Variants in BACH2 observed in about 807,000 individuals in gnomAD.
The protein encoded by BACH2 is BACH transcriptional regulator 2, also known as transcription regulator protein BACH2.
BACH2 carries 5 observed loss-of-function variants against 61.8 expected under a neutral mutation model. That is an observed-to-expected ratio of 0.08 (90% CI 0.04 to 0.17). BACH2 has a LOEUF of 0.17. Ranked by LOEUF, BACH2 falls within the 10% of genes least tolerant of loss-of-function variation. BACH2 has a pLI of 1.00. For synonymous variants in BACH2, 446 were observed against 440.1 expected, an observed-to-expected ratio of 1.01 and a Z score of -0.17; for missense variants, 824 against 1,091.1, an observed-to-expected ratio of 0.76 and a Z score of 3.45.
intron 4 of BACH2, among the ~76,000 whole-genome samples, chr6:90,197,648 A>G (rs2127846673): frequency 6.6e-6 from 1 of 152,262 alleles, no homozygotes; most frequent in South Asian, 2.1e-4. Context: ...TGAGTATCCA[A>G]AGGGCCTCTT....
chr6:89,933,362 T>A (rs1039931470), intron 8 of BACH2, among the ~76,000 whole-genome samples: 16 of 152,092 alleles, frequency 1.1e-4, no homozygotes, highest in Admixed American at 4.6e-4. Context: ...AGTAAAAAGA[T>A]CTGTGGTTGT....
chr6:90,066,657 T>G (rs1780981157), intron 5 of BACH2, among the ~76,000 whole-genome samples: 1 of 152,214 alleles, frequency 6.6e-6, no homozygotes, highest in South Asian at 2.1e-4. Context: ...CAGGCATTCC[T>G]TCATGCCACC....
intron 4 of BACH2, among the ~76,000 whole-genome samples, chr6:90,187,834 G>C (rs1437418793): frequency 6.6e-6 from 1 of 152,200 alleles, no homozygotes; most frequent in African/African-American, 2.4e-5. Flanking sequence ...CCGATCTTTG[G>C]TGTGAGTACT....
chr6:90,166,644 T>C (rs552988200), intron 4 of BACH2, among the ~76,000 whole-genome samples: 28 of 152,312 alleles, frequency 1.8e-4, no homozygotes, highest in African/African-American at 6.3e-4. Context: ...AGCAAAGATT[T>C]GGAACCAACC....
intron 8 of BACH2, among the ~76,000 whole-genome samples, chr6:89,937,912 T>C (rs184988886): frequency 3.3e-5 from 5 of 152,328 alleles, no homozygotes; most frequent in African/African-American, 9.6e-5. Context: ...ATATAAAATA[T>C]TGACACACTA....
intron 4 of BACH2, among the ~76,000 whole-genome samples, chr6:90,177,564 G>A (rs1005720541): frequency 2.0e-5 from 3 of 152,176 alleles, no homozygotes; most frequent in African/African-American, 4.8e-5. Flanking sequence ...CATTGCCTAC[G>A]TTAGCTCCTT....
At chr6:90,180,769 C>T (rs1337361275) in intron 4 of BACH2, among the ~76,000 whole-genome samples, 1 of 151,872 alleles carries the variant, frequency 6.6e-6, no homozygotes, top group East Asian at 1.9e-4. Context: ...GTGTGGAATA[C>T]ACACCAGTCC....
In BACH2 at chr6:90,238,664, A is replaced by G. The variant is rs11757109; in HGVS notation, c.-275+13849T>C. Reference sequence around the variant, plus strand: ...GGAAACCAGCTTGGTCTTGCTTGAGAGAAACTCCTGATGGCTTTCCAACCA... The same window carrying G: ...GGAAACCAGCTTGGTCTTGCTTGAGGGAAACTCCTGATGGCTTTCCAACCA... On this transcript the variant is annotated intron_variant, in intron 3 of 8. Coordinates refer to ENST00000257749, the MANE Select transcript of BACH2 (RefSeq NM_021813.4). Among the ~76,000 whole-genome samples the G allele has an allele frequency of 4.5e-3, 688 of 152,338 alleles. 6 individuals are homozygous for G. The highest frequency in any genetic ancestry group is 7.5e-3 in the Non-Finnish European group (512 of 68,034).
At chr6:90,246,072 T>C (rs1770625911) in intron 3 of BACH2, among the ~76,000 whole-genome samples, 1 of 152,190 alleles carries the variant, frequency 6.6e-6, no homozygotes. Context: ...GAGTGACTAC[T>C]GCTGGAACAC....
intron 5 of BACH2, among the ~76,000 whole-genome samples, chr6:90,042,751 T>C (rs1342486956): frequency 6.6e-6 from 1 of 152,366 alleles, no homozygotes; most frequent in Non-Finnish European, 1.5e-5. Flanking sequence ...TACATACCTA[T>C]AATCTTTAAT....
chr6:90,228,834 C>T (rs1448061927), intron 3 of BACH2, among the ~76,000 whole-genome samples: 1 of 152,162 alleles, frequency 6.6e-6, no homozygotes, highest in Non-Finnish European at 1.5e-5. Flanking sequence ...ACAAAGGGAT[C>T]TTACAGACAT....
chr6:90,092,315 T>TATATACAC (rs142761642), intron 4 of BACH2, among the ~76,000 whole-genome samples: 65 of 112,426 alleles, frequency 5.8e-4, no homozygotes, highest in East Asian at 1.4e-3. Flanking sequence ...TATATATATA[T>TATATACAC]ACACACACAC....
At chr6:90,210,221 G>A (rs1365529535) in intron 3 of BACH2, among the ~76,000 whole-genome samples, 2 of 151,586 alleles carry the variant, frequency 1.3e-5, no homozygotes, top group African/African-American at 2.4e-5. Context: ...AATAGACCCT[G>A]GACTAGAAGT....
intron 6 of BACH2, among the ~76,000 whole-genome samples, chr6:89,987,428 G>A (rs1484646307): frequency 1.3e-5 from 2 of 152,120 alleles, no homozygotes; most frequent in Admixed American, 6.5e-5. Flanking sequence ...TGATCACTGA[G>A]TCCATGCCCC....
At chr6:89,933,934 G>A (rs955094363) in intron 8 of BACH2, among the ~76,000 whole-genome samples, 4 of 151,896 alleles carry the variant, frequency 2.6e-5, no homozygotes, top group East Asian at 1.9e-4. Context: ...TGCAGTGAGC[G>A]AGATGGTGCC....
intron 6 of BACH2, among the ~76,000 whole-genome samples, chr6:89,980,026 C>T (rs1194167537): frequency 6.6e-6 from 1 of 152,134 alleles, no homozygotes; most frequent in East Asian, 1.9e-4. Flanking sequence ...GGCGTGGTGG[C>T]TCACACCTTT....
intron 3 of BACH2, among the ~76,000 whole-genome samples, chr6:90,208,367 AC>A (rs1227642302): frequency 4.6e-5 from 7 of 152,204 alleles, no homozygotes; most frequent in Non-Finnish European, 8.8e-5. Flanking sequence ...AAGAAAAAAA[AC>A]AACCCCATCA....
chr6:90,038,701 T>A (rs1779381996), intron 5 of BACH2, among the ~76,000 whole-genome samples: 1 of 152,122 alleles, frequency 6.6e-6, no homozygotes. Context: ...TAAGCAAAGA[T>A]ATATATATTT....
At position 89,932,262 on chromosome 6, in the gene BACH2, T is replaced by G. The variant is rs1286624865; in HGVS notation, c.*146A>C. 3 of 1,072,856 alleles carry G rather than the reference T, an allele frequency of 2.8e-6. No homozygotes were observed. In the Admixed American group the frequency reaches 6.6e-5, roughly 24 times the overall value. 66.5% of individuals were successfully genotyped at this position (1,072,856 alleles called of 1,614,324 possible). ...CTGCTCGAGAAGAGGAGAGGATACT[T>G]CGGAACAGTATTGCTGCTAAGACCG... On this transcript the variant is annotated 3_prime_UTR_variant, in exon 9 of 9. Coordinates refer to ENST00000257749, the MANE Select transcript of BACH2 (RefSeq NM_021813.4).
Sources: gnomAD v4.1 joint callset for allele counts (sites outside exome capture counted in the v4.1 genomes callset) on GRCh38, gnomAD v4.1.1 for gene constraint, MANE v1.5 for transcripts, NCBI Gene and HGNC (gene_info 2026-07-23, HGNC 2026-07-21) for gene names.